FRMD4A: variants seen among roughly 807,000 people sequenced by gnomAD.
The protein encoded by FRMD4A is FERM domain containing 4A.
FRMD4A carries 29 observed loss-of-function variants against 129.1 expected under a neutral mutation model. That is an observed-to-expected ratio of 0.22 (90% CI 0.17 to 0.31). The LOEUF is 0.31. FRMD4A is among the 10% of genes least tolerant of loss of function. The probability of loss-of-function intolerance (pLI) is 1.00; values close to 1 mark genes in which losing one functional copy is unlikely to be tolerated. For missense variants in FRMD4A, 1,272 were observed against 1,375.8 expected, an observed-to-expected ratio of 0.92 and a Z score of 1.19; for synonymous variants, 634 against 571.6, an observed-to-expected ratio of 1.11 and a Z score of -1.56.
At chr10:13,911,070 A>G (rs2094936345) in intron 2 of FRMD4A, among the ~76,000 whole-genome samples, 1 of 152,184 alleles carries the variant, frequency 6.6e-6, no homozygotes, top group Non-Finnish European at 1.5e-5. Flanking sequence ...TTTCAAACTC[A>G]TAGATGAATT....
At chr10:14,196,513 T>A (rs1842476529) in intron 2 of FRMD4A, among the ~76,000 whole-genome samples, 1 of 152,228 alleles carries the variant, frequency 6.6e-6, no homozygotes, top group Admixed American at 6.5e-5. Context: ...GCTTTGATTT[T>A]ACACAAGAAA....
chr10:14,086,930 C>T (rs987201037), intron 2 of FRMD4A, among the ~76,000 whole-genome samples: 5 of 152,104 alleles, frequency 3.3e-5, no homozygotes, highest in Non-Finnish European at 5.9e-5. Flanking sequence ...AGGTTCTCCC[C>T]ACATCTGGAA....
chr10:14,042,924 C>CAAAAAAA (rs57492155), intron 2 of FRMD4A, among the ~76,000 whole-genome samples: 13 of 62,840 alleles, frequency 2.1e-4, no homozygotes, highest in East Asian at 1.0e-3. Flanking sequence ...GACTCCATCT[C>CAAAAAAA]AAAAAAAAAA....
chr10:13,964,931 G>A (rs112648456), intron 2 of FRMD4A, among the ~76,000 whole-genome samples: 7,600 of 151,942 alleles, frequency 0.05, 645 homozygotes, highest in African/African-American at 0.17. Context: ...TGACCTGCCC[G>A]CCTCTGCCTC....
intron 3 of FRMD4A, among the ~76,000 whole-genome samples, chr10:13,823,954 C>T (rs12763450): frequency 0.079 from 11,976 of 152,232 alleles, 692 homozygotes; most frequent in Middle Eastern, 0.27. Flanking sequence ...CTGCTATCCT[C>T]AGCTGTGGCT....
chr10:14,062,372 G>C (rs941023389), intron 2 of FRMD4A, among the ~76,000 whole-genome samples: 2 of 152,194 alleles, frequency 1.3e-5, no homozygotes, highest in African/African-American at 4.8e-5. Context: ...TCCAAGTTGG[G>C]AGTGGGGTGG....
intron 2 of FRMD4A, chr10:14,008,478 G>A (rs1269582690): frequency 1.0e-6 from 1 of 997,448 alleles, no homozygotes; most frequent in Non-Finnish European, 1.2e-6. Context: ...GTGGGCAAGT[G>A]ACGCGTCTGG....
intron 2 of FRMD4A, among the ~76,000 whole-genome samples, chr10:14,265,613 C>T (rs1018667): frequency 0.15 from 22,447 of 152,174 alleles, 2,436 homozygotes; most frequent in African/African-American, 0.3. Context: ...GCAAAACTGA[C>T]GATTTCTCTA....
At chr10:14,042,121 G>A (rs1833801221) in intron 2 of FRMD4A, among the ~76,000 whole-genome samples, 2 of 152,200 alleles carry the variant, frequency 1.3e-5, no homozygotes, top group East Asian at 1.9e-4. Flanking sequence ...ATTTTTAAAT[G>A]TCTGCTAGCC....
intron 3 of FRMD4A, among the ~76,000 whole-genome samples, chr10:13,832,870 C>A (rs2093812358): frequency 6.6e-6 from 1 of 152,104 alleles, no homozygotes; most frequent in African/African-American, 2.4e-5. Flanking sequence ...GAACTCCTAG[C>A]CTCAAGCAAT....
chr10:13,687,244 C>T (rs930750918), intron 15 of FRMD4A, among the ~76,000 whole-genome samples: 2 of 152,170 alleles, frequency 1.3e-5, no homozygotes, highest in Admixed American at 1.3e-4. Flanking sequence ...TGCAGTGAGC[C>T]GAGATCATGC....
intron 15 of FRMD4A, chr10:13,693,614 G>T: frequency 1.3e-6 from 1 of 748,122 alleles, no homozygotes; most frequent in Non-Finnish European, 2.0e-6. Flanking sequence ...ATTGTGAAAC[G>T]CTCTGGGGGG....
chr10:14,265,428 G>C (rs1442275868), intron 2 of FRMD4A, among the ~76,000 whole-genome samples: 1 of 152,158 alleles, frequency 6.6e-6, no homozygotes, highest in African/African-American at 2.4e-5. Flanking sequence ...AAAGATCCAA[G>C]GCTGACACCT....
In FRMD4A at chr10:13,710,895, TC is replaced by T. The variant is rs1466952834; in HGVS notation, c.760-3783del. On this transcript the variant is annotated intron_variant, in intron 12 of 24. Transcript: ENST00000357447. ...TGGGTGTAGTGGTGGGCACCTGTAG[TC>T]CCAGCTACTTGGGAGGCTGAGACAA... Among the ~76,000 whole-genome samples, 5 of 152,020 alleles carry T rather than the reference TC, an allele frequency of 3.3e-5. No homozygotes were observed. The East Asian group carries it at 9.6e-4, about 29-fold the overall frequency.
Position 14,017,406 on chromosome 10 carries a change from G to A in FRMD4A, c.46-158494C>T, listed in dbSNP as rs746098300. On this transcript the variant is annotated intron_variant, in intron 2 of 24. Coordinates refer to ENST00000357447, the MANE Select transcript of FRMD4A (RefSeq NM_018027.5). ...CACCTGGAATGGCAATATAAATAAC[G>A]TCCTTATCTATGGTATTGACTGCCC... Among the ~76,000 whole-genome samples, 11 of 152,292 alleles carry A rather than the reference G, an allele frequency of 7.2e-5. No homozygotes were observed. In the South Asian group the frequency reaches 1.0e-3, roughly 14 times the overall value.
chr10:13,890,211 A>C (rs2094678678), intron 2 of FRMD4A, among the ~76,000 whole-genome samples: 1 of 152,226 alleles, frequency 6.6e-6, no homozygotes. Flanking sequence ...GGCTTGATAC[A>C]ATTTAAAGAC....
chr10:13,782,908 G>A lies in FRMD4A; in HGVS notation c.384+14C>T, dbSNP rs750821369. 1 of 1,163,758 alleles carries A rather than the reference G, an allele frequency of 8.6e-7. No homozygotes were observed. The highest frequency in any genetic ancestry group is 1.2e-5 in the South Asian group (1 of 82,116). 72.1% of individuals were successfully genotyped at this position (1,163,758 alleles called of 1,614,324 possible). A position where few individuals can be genotyped will look rare whatever the true frequency, so the allele number is the denominator to read the frequency against. Reference sequence around the variant, plus strand: ...CAGGTTTCAGAGGGAAATTGAGGGAGAGGGAGTTCCTACCTTGTAGATGCA... The same window carrying A: ...CAGGTTTCAGAGGGAAATTGAGGGAAAGGGAGTTCCTACCTTGTAGATGCA... On this transcript the variant is annotated intron_variant, in intron 6 of 24. Coordinates refer to ENST00000357447, the MANE Select transcript of FRMD4A (RefSeq NM_018027.5).
At chr10:14,245,888 G>C (rs1218383) in intron 2 of FRMD4A, among the ~76,000 whole-genome samples, 142,589 of 152,194 alleles carry the variant, frequency 0.94, 67,116 homozygotes, top group East Asian at 1. Context: ...CTTCCAGTGC[G>C]GGGAGCCAGA....
At chr10:13,981,738 C>CAA (rs55829400) in intron 2 of FRMD4A, among the ~76,000 whole-genome samples, 93 of 97,622 alleles carry the variant, frequency 9.5e-4, no homozygotes, top group Middle Eastern at 5.4e-3. Flanking sequence ...GACTCCGTGT[C>CAA]AAAAAAAAAA....
Sources: allele counts gnomAD v4.1 joint callset (sites outside exome capture counted in the v4.1 genomes callset), GRCh38; gene constraint gnomAD v4.1.1; transcripts MANE v1.5; gene names NCBI Gene and HGNC (gene_info 2026-07-23, HGNC 2026-07-21).